PGBD2: variants seen among roughly 807,000 people sequenced by gnomAD.
PGBD2 encodes piggyBac transposable element-derived protein 2.
A neutral mutation model predicts 8.1 loss-of-function variants in PGBD2; 6 were observed. The ratio of observed to expected loss-of-function variants is 0.74; its 90% CI spans 0.40 to 1.46. The LOEUF (loss-of-function observed/expected upper bound fraction) is 1.46. PGBD2 is among the 40% of genes most tolerant of loss of function. PGBD2 has a pLI of 0.02. For synonymous variants in PGBD2, 318 were observed against 272.2 expected (o/e 1.17, Z -1.66); for missense variants, 802 against 739.0 (o/e 1.09, Z -0.99).
chr1:248,892,281 T>TCCTTCCTTCCTC, the PGBD2 span, among the ~76,000 whole-genome samples: 8 of 112,974 alleles, frequency 7.1e-5, no homozygotes, highest in South Asian at 1.2e-3. Context: ...CTCCCTTCCT[T>TCCTTCCTTCCTC]CCTTCCTTCC....
chr1:248,903,167 A>G (rs1445358252), upstream of PGBD2, among the ~76,000 whole-genome samples: 1 of 151,858 alleles, frequency 6.6e-6, no homozygotes, highest in Non-Finnish European at 1.5e-5. Flanking sequence ...CTGACTCCCT[A>G]TCAACTAATT....
chr1:248,920,988 T>G (rs1209067151), downstream of PGBD2, among the ~76,000 whole-genome samples: 17 of 122,756 alleles, frequency 1.4e-4, no homozygotes, highest in Admixed American at 1.2e-3. Context: ...TTTTGATGGT[T>G]TTTTTTTTTT....
chr1:248,928,290 C>G, the PGBD2 span, among the ~76,000 whole-genome samples: 1 of 152,174 alleles, frequency 6.6e-6, no homozygotes, highest in African/African-American at 2.4e-5. Flanking sequence ...TTATCTTGCA[C>G]ACAGCAACAG....
chr1:248,885,163 C>T, the PGBD2 span, among the ~76,000 whole-genome samples: 1 of 152,052 alleles, frequency 6.6e-6, no homozygotes, highest in Non-Finnish European at 1.5e-5. Context: ...GAGGCAGGAT[C>T]TCACTCTTTT....
the PGBD2 span, among the ~76,000 whole-genome samples, chr1:248,898,735 C>T: frequency 6.6e-6 from 1 of 152,006 alleles, no homozygotes; most frequent in African/African-American, 2.4e-5. Context: ...ATCATGATGA[C>T]GGGAACAAAT....
chr1:248,881,645 A>T, the PGBD2 span, among the ~76,000 whole-genome samples: 1 of 152,340 alleles, frequency 6.6e-6, no homozygotes, highest in Non-Finnish European at 1.5e-5. Flanking sequence ...GACTTTATTT[A>T]AATTTCTATA....
upstream of PGBD2, among the ~76,000 whole-genome samples, chr1:248,904,424 G>A (rs112401156): frequency 4.7e-3 from 719 of 152,182 alleles, 3 homozygotes; most frequent in Non-Finnish European, 6.9e-3. Flanking sequence ...ACTCTTTGCA[G>A]CTCCATAAAC....
At chr1:248,921,827 G>C (rs1200565257), downstream of PGBD2, among the ~76,000 whole-genome samples, 1 of 152,148 alleles carries the variant, frequency 6.6e-6, no homozygotes, top group African/African-American at 2.4e-5. Flanking sequence ...GTGATTTGTA[G>C]TTCTCCTTGA....
chr1:248,909,418 A>G lies in PGBD2; in HGVS notation c.-48+3076A>G, dbSNP rs575684817. On this transcript the variant is annotated intron_variant, in intron 1 of 2. Transcript: ENST00000329291. The stretch of plus-strand genomic sequence containing the variant: ...TTTAGTTAGGGTCAAGCATATATCA[A>G]GAGCTTCTGGTTCTTTTCTAAATAG... Among the ~76,000 whole-genome samples, 5 of 152,358 alleles carry G rather than the reference A, an allele frequency of 3.3e-5. No individual in the cohort carries two copies. The East Asian group carries it at 9.6e-4, about 29-fold the overall frequency.
At chr1:248,890,412 T>C in the PGBD2 span, among the ~76,000 whole-genome samples, 80 of 152,266 alleles carry the variant, frequency 5.3e-4, no homozygotes, top group African/African-American at 1.8e-3. Context: ...AAGAAACAGA[T>C]GCAATGGGAT....
At chr1:248,882,587 C>T in the PGBD2 span, among the ~76,000 whole-genome samples, 30,174 of 152,054 alleles carry the variant, frequency 0.2, 7,634 homozygotes, top group African/African-American at 0.59. Context: ...CTAGAAGAGC[C>T]GTGGCAAGAT....
the PGBD2 span, among the ~76,000 whole-genome samples, chr1:248,873,341 T>C: frequency 1.2e-3 from 179 of 152,336 alleles, no homozygotes; most frequent in African/African-American, 4.1e-3. Context: ...CCGGCCGTTA[T>C]CGCCAACCGT....
chr1:248,916,792 C>G lies in PGBD2; in HGVS notation c.208C>G (p.Leu70Val). Residue 70 changes from leucine (L) to valine (V), a missense_variant, in exon 3 of 3, where the codon CTA becomes GTA. Leu to Val is a conservative substitution (Grantham distance 32, BLOSUM62 1). Transcript: ENST00000329291. ...GDEDSQRGAH[L>V]PGSVLHASVL... is the part of the protein sequence containing the mutation. ...TGAAGACAGCCAGCGAGGTGCTCACCTACCTGGCAGTGTGCTGCATGCTTC... is the reference window on the plus strand; with the variant it reads ...TGAAGACAGCCAGCGAGGTGCTCACGTACCTGGCAGTGTGCTGCATGCTTC... 1 of 1,614,198 alleles carries G rather than the reference C, an allele frequency of 6.2e-7. No homozygotes were observed. Among genetic ancestry groups the G allele is most frequent in the Non-Finnish European group, 8.5e-7 (1 of 1,180,024 alleles).
chr1:248,925,597 C>T, the PGBD2 span, among the ~76,000 whole-genome samples: 11 of 127,202 alleles, frequency 8.6e-5, no homozygotes, highest in Admixed American at 2.6e-4. Context: ...TGGCGAGATT[C>T]GTGAATTATT....
chr1:248,926,309 T>G, the PGBD2 span, among the ~76,000 whole-genome samples: 65 of 152,158 alleles, frequency 4.3e-4, no homozygotes, highest in Admixed American at 2.2e-3. Flanking sequence ...TACATTATTA[T>G]TAATAAATTA....
downstream of PGBD2, among the ~76,000 whole-genome samples, chr1:248,922,669 G>A (rs1388058979): frequency 6.6e-6 from 1 of 152,152 alleles, no homozygotes; most frequent in Non-Finnish European, 1.5e-5. Context: ...AGCATGAAGG[G>A]CTGTTGAATT....
Position 248,917,801 on chromosome 1 carries a change from A to T in PGBD2, c.1217A>T (p.Glu406Val). Residue 406 changes from glutamate to valine, a missense_variant, in exon 3 of 3, where the codon GAG (glutamate) becomes GTG (valine). Transcript: ENST00000329291. ...TTTGATTACAAAGTCGATGAGAGTG[A>T]GGAGATCATCGTGTGCCGCTGGCAC... Reference protein sequence around the residue: ...GSFDYKVDESEEIIVCRWHDS... With the variant: ...GSFDYKVDESVEIIVCRWHDS... 1.2e-6 allele frequency: 2 copies of T among 1,614,230 alleles called. No homozygotes were observed. Among genetic ancestry groups the T allele is most frequent in the Non-Finnish European group, 1.7e-6 (2 of 1,180,040 alleles).
In PGBD2 at chr1:248,910,976, T is replaced by C. The variant is rs1661850048; in HGVS notation, c.-47-2840T>C. ...ACCACCACAACCAAGATCCTGAACATATCCATCATCTCCAAGAGTTTCCTC... is the reference window on the plus strand; with the variant it reads ...ACCACCACAACCAAGATCCTGAACACATCCATCATCTCCAAGAGTTTCCTC... On this transcript the variant is annotated intron_variant, in intron 1 of 2. Transcript: ENST00000329291. Among the ~76,000 whole-genome samples, 9 of 152,266 alleles carry C rather than the reference T, an allele frequency of 5.9e-5. 1 individual carries two copies. The South Asian group carries it at 1.7e-3, about 28-fold the overall frequency.
downstream of PGBD2, among the ~76,000 whole-genome samples, chr1:248,923,823 G>C (rs1449266011): frequency 6.6e-6 from 1 of 152,192 alleles, no homozygotes; most frequent in Non-Finnish European, 1.5e-5. Context: ...GGCAGATCCA[G>C]CCCCACTCAG....
Sources: allele counts gnomAD v4.1 joint callset (sites outside exome capture counted in the v4.1 genomes callset), GRCh38; gene constraint gnomAD v4.1.1; transcripts MANE v1.5; gene names NCBI Gene and HGNC (gene_info 2026-07-23, HGNC 2026-07-21).